ESR1: variants seen among roughly 807,000 people sequenced by gnomAD.
ESR1 encodes the protein estrogen receptor.
Under a neutral mutation model 52.7 loss-of-function variants are expected in ESR1, and 12 were observed. The observed-to-expected ratio is 0.23, with a 90% CI of 0.15 to 0.37. The LOEUF (loss-of-function observed/expected upper bound fraction) is 0.37. Ranked by LOEUF, ESR1 falls within the 10% of genes least tolerant of loss-of-function variation. ESR1 has a pLI of 1.00. For synonymous variants in ESR1, 305 were observed against 316.8 expected, an observed-to-expected ratio of 0.96 and a Z score of 0.39; for missense variants, 584 against 779.7, an observed-to-expected ratio of 0.75 and a Z score of 2.99.
chr6:152,030,809 C>A (rs2044627409), intron 5 of ESR1, among the ~76,000 whole-genome samples: 1 of 152,224 alleles, frequency 6.6e-6, no homozygotes, highest in East Asian at 1.9e-4. Flanking sequence ...CTACAGAACT[C>A]TCCACCCCAA....
chr6:151,696,972 G>C (rs1779396909), intron 1 of ESR1, among the ~76,000 whole-genome samples: 2 of 152,134 alleles, frequency 1.3e-5, no homozygotes, highest in Admixed American at 6.5e-5. Flanking sequence ...TGGGGGAGGT[G>C]GTTTTGGGAA....
chr6:151,956,843 A>AATAAAT lies in ESR1; in HGVS notation c.1096+12338_1096+12339insAATATA, dbSNP rs1554293623. Among the ~76,000 whole-genome samples the AATAAAT allele has an allele frequency of 7.8e-3, 345 of 44,446 alleles. 2 individuals are homozygous for AATAAAT. Among genetic ancestry groups the AATAAAT allele is most frequent in the African/African-American group, 0.02 (271 of 13,482 alleles). The allele number at this position is 44,446 out of a possible 152,430, so 29.2% of individuals were successfully genotyped here. ...ATAAAAATATATATAAATATAAATA[A>AATAAAT]ATATATATATATATATATAAATATA... On this transcript the variant is annotated intron_variant, in intron 4 of 7. Coordinates refer to ENST00000206249, the MANE Select transcript of ESR1 (RefSeq NM_000125.4).
intron 6 of ESR1, among the ~76,000 whole-genome samples, chr6:152,082,145 C>A (rs1224569464): frequency 6.6e-6 from 1 of 152,116 alleles, no homozygotes; most frequent in Non-Finnish European, 1.5e-5. Context: ...CAAAACCTGG[C>A]AGAGACACAA....
chr6:151,682,781 T>C (rs576253960), intron 1 of ESR1, among the ~76,000 whole-genome samples: 5 of 152,232 alleles, frequency 3.3e-5, no homozygotes, highest in Non-Finnish European at 7.3e-5. Context: ...CATATTCTTA[T>C]GTACCTAAAT....
At chr6:151,973,966 G>A (rs2039176718) in intron 4 of ESR1, among the ~76,000 whole-genome samples, 1 of 152,144 alleles carries the variant, frequency 6.6e-6, no homozygotes, top group African/African-American at 2.4e-5. Context: ...GTAAAGGCCA[G>A]GTAGTTAGTA....
chr6:151,839,410 C>G (rs565096553), intron 1 of ESR1, among the ~76,000 whole-genome samples: 18 of 152,244 alleles, frequency 1.2e-4, no homozygotes, highest in African/African-American at 4.3e-4. Context: ...TAAAATGGTG[C>G]AGCCACTGTG....
chr6:152,003,607 A>T (rs926662629), intron 4 of ESR1, among the ~76,000 whole-genome samples: 2 of 151,916 alleles, frequency 1.3e-5, no homozygotes, highest in Non-Finnish European at 2.9e-5. Flanking sequence ...TCATTCTCTT[A>T]TTAGGTAACA....
intron 2 of ESR1, among the ~76,000 whole-genome samples, chr6:151,879,717 G>T (rs1232723795): frequency 1.3e-5 from 2 of 152,136 alleles, no homozygotes; most frequent in African/African-American, 4.8e-5. Flanking sequence ...GTTGGATGTG[G>T]TGGGTTCCAT....
intron 6 of ESR1, among the ~76,000 whole-genome samples, chr6:152,062,893 A>C (rs1437538724): frequency 6.6e-6 from 1 of 152,216 alleles, no homozygotes; most frequent in Non-Finnish European, 1.5e-5. Context: ...CCAGATCCAT[A>C]TAGACTTTTC....
chr6:151,941,232 A>G (rs2035018689), intron 3 of ESR1, among the ~76,000 whole-genome samples: 1 of 152,080 alleles, frequency 6.6e-6, no homozygotes, highest in South Asian at 2.1e-4. Context: ...TCTTGCTTCT[A>G]TTTCTCTCTG....
intron 1 of ESR1, among the ~76,000 whole-genome samples, chr6:151,680,480 G>A (rs565726927): frequency 2.0e-5 from 3 of 152,182 alleles, no homozygotes; most frequent in African/African-American, 2.4e-5. Context: ...CTGGGGGGTC[G>A]TGAGCCACCA....
chr6:151,762,426 G>A (rs919174373), intron 2 of ESR1, among the ~76,000 whole-genome samples: 14 of 152,176 alleles, frequency 9.2e-5, no homozygotes, highest in African/African-American at 2.4e-4. Context: ...GGAGAGTGGT[G>A]TGAACATGTT....
chr6:151,861,438 TC>T (rs1274256668), intron 2 of ESR1, among the ~76,000 whole-genome samples: 1 of 152,182 alleles, frequency 6.6e-6, no homozygotes, highest in African/African-American at 2.4e-5. Flanking sequence ...CAGTTCCTCT[TC>T]CCTGTTCTCA....
At chr6:151,786,685 T>C (rs1198722575) in intron 2 of ESR1, among the ~76,000 whole-genome samples, 1 of 151,906 alleles carries the variant, frequency 6.6e-6, no homozygotes, top group Non-Finnish European at 1.5e-5. Context: ...CTTTTTTTTT[T>C]TTTCTGGTAG....
intron 2 of ESR1, among the ~76,000 whole-genome samples, chr6:151,726,789 A>G (rs372539383): frequency 6.6e-6 from 1 of 152,208 alleles, no homozygotes; most frequent in African/African-American, 2.4e-5. Flanking sequence ...TTCCAAATAT[A>G]CAACATGCCA....
intron 1 of ESR1, among the ~76,000 whole-genome samples, chr6:151,682,842 G>T (rs1411260088): frequency 1.3e-5 from 2 of 152,172 alleles, no homozygotes; most frequent in East Asian, 3.8e-4. Flanking sequence ...CCCCCCATGT[G>T]GATGTTTGTG....
rs368590043 is a variant in ESR1, at chr6:151,675,539, T to G, written n.73+18776T>G. ...TACTACTATTATAGGAAATTTGAAC[T>G]GGAATGAAAAAAAAATCAGTGTTAC... On this transcript the variant is annotated intron_variant and non_coding_transcript_variant, in intron 1 of 2. Transcript: ENST00000473497. Among the ~76,000 whole-genome samples, 33 of 151,992 alleles carry G rather than the reference T, an allele frequency of 2.2e-4. No homozygotes were observed. The South Asian group carries it at 6.9e-3, about 32-fold the overall frequency.
intron 4 of ESR1, among the ~76,000 whole-genome samples, chr6:151,965,444 C>CT (rs1299831244): frequency 1.3e-5 from 2 of 152,158 alleles, no homozygotes; most frequent in Non-Finnish European, 2.9e-5. Flanking sequence ...CTCATCCACT[C>CT]TATCTCATTA....
At chr6:151,674,635 A>G (rs1219552879) in intron 1 of ESR1, among the ~76,000 whole-genome samples, 3 of 152,130 alleles carry the variant, frequency 2.0e-5, no homozygotes, top group Admixed American at 6.5e-5. Flanking sequence ...ACTAATTTAC[A>G]CTCCCACCAA....
Sources: gnomAD v4.1 joint callset for allele counts (sites outside exome capture counted in the v4.1 genomes callset) on GRCh38, gnomAD v4.1.1 for gene constraint, MANE v1.5 for transcripts, NCBI Gene and HGNC (gene_info 2026-07-23, HGNC 2026-07-21) for gene names.